The following FNBP1 variants were observed in gnomAD, a reference collection of about 807,000 sequenced individuals.
FNBP1 encodes the protein formin binding protein 1, also known as formin-binding protein 1.
FNBP1 carries 26 observed loss-of-function variants against 90.6 expected under a neutral mutation model. That is an observed-to-expected ratio of 0.29 (90% confidence interval 0.21 to 0.40). The LOEUF (loss-of-function observed/expected upper bound fraction) is 0.40. Among genes scored for constraint, FNBP1 ranks in the 10% least tolerant of loss-of-function variants. The pLI, the probability that FNBP1 is intolerant of heterozygous loss-of-function variation, is 1.00. For missense variants in FNBP1, 635 were observed against 768.0 expected, an observed-to-expected ratio of 0.83 and a Z score of 2.05; for synonymous variants, 260 against 265.2, an observed-to-expected ratio of 0.98 and a Z score of 0.19.
chr9:129,923,891 T>C lies in FNBP1; in HGVS notation c.1123A>G (p.Met375Val). 7 of 1,602,364 alleles carry C rather than the reference T, an allele frequency of 4.4e-6. No homozygotes were observed. The highest frequency in any genetic ancestry group is 1.7e-4 in the Middle Eastern group (1 of 6,046). Residue 375 changes from methionine to valine, a missense_variant, in exon 10 of 17, where the codon ATG becomes GTG. Met to Val is a conservative substitution (Grantham distance 21). Coordinates refer to ENST00000446176, the MANE Select transcript of FNBP1 (RefSeq NM_015033.3). ...EPLSHRFNEF[M>V]TSKPKIHCFR... ...CAGTGGATTTTGGGTTTGGAGGTCATGAACTCGTTGAAGCGATGGGAGAGG... is the reference window on the plus strand; with the variant it reads ...CAGTGGATTTTGGGTTTGGAGGTCACGAACTCGTTGAAGCGATGGGAGAGG...
chr9:129,936,126 C>A (rs934745725), intron 6 of FNBP1, among the ~76,000 whole-genome samples: 1 of 152,140 alleles, frequency 6.6e-6, no homozygotes, highest in African/African-American at 2.4e-5. Flanking sequence ...TAAATGCCCA[C>A]CTTTTGTCAC....
At chr9:130,049,940 G>C in the FNBP1 span, among the ~76,000 whole-genome samples, 3 of 152,022 alleles carry the variant, frequency 2.0e-5, no homozygotes, top group Non-Finnish European at 4.4e-5. Flanking sequence ...GCAGTGGCAT[G>C]ATCATAGCTC....
intron 10 of FNBP1, 34 bp from the exon 11 acceptor site, chr9:129,916,014 T>A (rs759454106): frequency 6.5e-6 from 10 of 1,547,888 alleles, no homozygotes; most frequent in Admixed American, 5.1e-5. Flanking sequence ...ATGGGAAAAA[T>A]AGAGAGAAAG....
chr9:130,048,787 C>CT, the FNBP1 span, among the ~76,000 whole-genome samples: 1,686 of 143,838 alleles, frequency 0.012, 37 homozygotes, highest in African/African-American at 0.04. Context: ...CCAGTTTCCT[C>CT]TTTTTTTTTT....
chr9:130,022,563 T>C (rs1015742055), intron 1 of FNBP1, among the ~76,000 whole-genome samples: 1 of 152,242 alleles, frequency 6.6e-6, no homozygotes, highest in African/African-American at 2.4e-5. Flanking sequence ...TTTTACATAG[T>C]TACAAGTAGA....
chr9:130,032,395 G>A (rs758687328), intron 1 of FNBP1, among the ~76,000 whole-genome samples: 9 of 152,044 alleles, frequency 5.9e-5, no homozygotes, highest in Non-Finnish European at 1.2e-4. Context: ...GGTCTTGAAC[G>A]CCTGAGTTCA....
intron 2 of FNBP1, among the ~76,000 whole-genome samples, chr9:129,990,932 G>GTTTTTTT (rs35179648): frequency 1.5e-5 from 2 of 130,006 alleles, no homozygotes; most frequent in Non-Finnish European, 3.3e-5. Flanking sequence ...TGACACCAGG[G>GTTTTTTT]TTTTTTTTTT....
At chr9:130,050,819 T>A in the FNBP1 span, among the ~76,000 whole-genome samples, 5 of 28,948 alleles carry the variant, frequency 1.7e-4, no homozygotes, top group African/African-American at 2.6e-4. Context: ...TTTGTGTTTT[T>A]TTTTTGTTTT....
intron 7 of FNBP1, 146 bp from the exon 8 acceptor site, chr9:129,927,487 A>G (rs1213058311): frequency 7.4e-6 from 5 of 676,190 alleles, no homozygotes; most frequent in East Asian, 2.5e-5. Context: ...CGGAGCCTCC[A>G]TATTACCCAG....
chr9:129,957,500 A>G lies in FNBP1; in HGVS notation c.409-36T>C. ...AGGAAAATAATTATGAAACCATAAG[A>G]GTCCTACGAGAAGATGTAATTTTAT... On this transcript the variant is annotated intron_variant, in intron 5 of 16. Coordinates refer to ENST00000446176, the MANE Select transcript of FNBP1 (RefSeq NM_015033.3). The surrounding 1 kb of genome is among the most constrained non-coding windows in gnomAD (Gnocchi z 4.3). 7.0e-7 allele frequency: 1 copy of G among 1,428,324 alleles called. No homozygotes were observed. The highest frequency in any genetic ancestry group is 1.4e-5 in the African/African-American group (1 of 71,172). 88.5% of individuals were successfully genotyped at this position (1,428,324 alleles called of 1,614,324 possible).
At chr9:130,002,303 G>A (rs1278718692) in intron 1 of FNBP1, among the ~76,000 whole-genome samples, 1 of 152,198 alleles carries the variant, frequency 6.6e-6, no homozygotes, top group Non-Finnish European at 1.5e-5. Flanking sequence ...TGCATACTGT[G>A]TATACATACT....
the FNBP1 span, among the ~76,000 whole-genome samples, chr9:130,048,314 CAAAAAAAAAAAAAAAA>C: frequency 3.9e-5 from 2 of 50,716 alleles, no homozygotes; most frequent in African/African-American, 1.7e-4. Flanking sequence ...GACTCCATCT[CAAAAAAAAAAAAAAAA>C]AAAAAAAAAA....
chr9:129,972,839 C>T (rs947084312), intron 4 of FNBP1, among the ~76,000 whole-genome samples: 1 of 152,108 alleles, frequency 6.6e-6, no homozygotes, highest in Non-Finnish European at 1.5e-5. Context: ...AAGCCCTGAT[C>T]GAGAAGCTCT....
intron 1 of FNBP1, among the ~76,000 whole-genome samples, chr9:130,016,086 A>G (rs2057205954): frequency 1.3e-5 from 2 of 152,212 alleles, no homozygotes; most frequent in Non-Finnish European, 2.9e-5. Flanking sequence ...CTTCTTATAT[A>G]TTAAGGTAAC....
At chr9:130,026,030 T>C (rs930374271) in intron 1 of FNBP1, among the ~76,000 whole-genome samples, 9 of 152,320 alleles carry the variant, frequency 5.9e-5, no homozygotes, top group Admixed American at 3.9e-4. Flanking sequence ...TATAATCTTA[T>C]GGAGTAGGCA....
intron 2 of FNBP1, among the ~76,000 whole-genome samples, chr9:129,986,290 T>C (rs1301884842): frequency 6.6e-6 from 1 of 151,876 alleles, no homozygotes; most frequent in Non-Finnish European, 1.5e-5. Flanking sequence ...TAGACAAACT[T>C]AGTAAAAACA....
At position 129,933,307 on chromosome 9, in the gene FNBP1, G is replaced by A. The variant is rs193163849; in HGVS notation, c.514-3612C>T. Among the ~76,000 whole-genome samples, 230 of 152,190 alleles carry A rather than the reference G, an allele frequency of 1.5e-3. 1 individual carries two copies. Among genetic ancestry groups the A allele is most frequent in the African/African-American group, 5.3e-3 (222 of 41,526 alleles). On this transcript the variant is annotated intron_variant, in intron 6 of 16. Coordinates refer to ENST00000446176, the MANE Select transcript of FNBP1 (RefSeq NM_015033.3). ...TAAATCCACTCACGCCAATATTTTA[G>A]AATATTTTACCCAAGTAGAATATTT...
At chr9:129,938,819 A>C (rs2043890880) in intron 6 of FNBP1, among the ~76,000 whole-genome samples, 2 of 152,174 alleles carry the variant, frequency 1.3e-5, no homozygotes, top group African/African-American at 4.8e-5. Flanking sequence ...TGATGTTGGC[A>C]AGCCTCCAAG....
chr9:129,932,912 C>A (rs1382504214), intron 6 of FNBP1, among the ~76,000 whole-genome samples: 1 of 152,088 alleles, frequency 6.6e-6, no homozygotes, highest in Non-Finnish European at 1.5e-5. Flanking sequence ...AGCACAAATG[C>A]CCTATTAACT....
Sources: gnomAD v4.1 joint callset for allele counts (sites outside exome capture counted in the v4.1 genomes callset) on GRCh38, gnomAD v4.1.1 for gene constraint, Gnocchi (gnomAD v3.1) non-coding constraint, MANE v1.5 for transcripts, NCBI Gene and HGNC (gene_info 2026-07-23, HGNC 2026-07-21) for gene names.